The following ARHGEF10 variants were observed in gnomAD, a reference collection of about 807,000 sequenced individuals.
ARHGEF10 encodes Rho guanine nucleotide exchange factor (GEF) 10.
A neutral mutation model predicts 147.4 loss-of-function variants in ARHGEF10; 140 were observed. The ratio of observed to expected loss-of-function variants is 0.95; its 90% CI spans 0.83 to 1.09. The LOEUF (loss-of-function observed/expected upper bound fraction) is 1.09. Among genes scored for constraint, ARHGEF10 ranks in the 50% least tolerant of loss-of-function variants. ARHGEF10 has a pLI of 0.00. For synonymous variants in ARHGEF10, 902 were observed against 695.8 expected, an observed-to-expected ratio of 1.30 and a Z score of -4.67; for missense variants, 2,222 against 1,752.7, an observed-to-expected ratio of 1.27 and a Z score of -4.78.
rs143236249 is a variant in ARHGEF10, at chr8:1,848,967, C to T, written c.37+5531C>T. On this transcript the variant is annotated intron_variant, in intron 2 of 28. Transcript: ENST00000349830. ...TTTATGGCTTTATTAAGATATAATT[C>T]ATATCTTAGTACCGTTTACCTATTT... Among the ~76,000 whole-genome samples, 785 of 152,126 alleles carry T rather than the reference C, an allele frequency of 5.2e-3. 12 individuals are homozygous for T. Among genetic ancestry groups the T allele is most frequent in the African/African-American group, 0.018 (731 of 41,494 alleles).
chr8:1,866,702 A>C, intron 6 of ARHGEF10, 100 bp downstream of exon 6: 1 of 1,093,382 alleles, frequency 9.1e-7, no homozygotes, highest in Non-Finnish European at 1.4e-6. Flanking sequence ...ATCAGATCTA[A>C]AACTCTAAAA....
At chr8:1,884,374 C>G (rs1172004756) in intron 10 of ARHGEF10, among the ~76,000 whole-genome samples, 1 of 146,542 alleles carries the variant, frequency 6.8e-6, no homozygotes, top group Non-Finnish European at 1.5e-5. Context: ...CCAGCCTGGG[C>G]GACAGAGCAA....
At chr8:1,873,171 C>G (rs574176322) in intron 7 of ARHGEF10, among the ~76,000 whole-genome samples, 5 of 152,268 alleles carry the variant, frequency 3.3e-5, no homozygotes, top group East Asian at 1.9e-4. Flanking sequence ...GAGCCAGTTT[C>G]CGAAAGAAAC....
Position 1,903,312 on chromosome 8 carries a change from C to G in ARHGEF10, c.1682C>G (p.Pro561Arg), listed in dbSNP as rs775233789. ...DMLKNTSKGH[P>R]DRLPLQMALT... ...CTGAAGAACACCTCCAAAGGCCACCCCGACAGGCTGCCTCTTCAGATGGCC... is the reference window on the plus strand; with the variant it reads ...CTGAAGAACACCTCCAAAGGCCACCGCGACAGGCTGCCTCTTCAGATGGCC... Residue 561 changes from proline to arginine, a missense_variant, in exon 16 of 29, where the codon CCC (proline) becomes CGC (arginine). Pro to Arg is a moderately radical substitution (Grantham distance 103, BLOSUM62 -2). Coordinates refer to ENST00000349830, the MANE Select transcript of ARHGEF10 (RefSeq NM_014629.4). 5 of 1,613,998 alleles carry G rather than the reference C, an allele frequency of 3.1e-6. No individual in the cohort carries two copies. Among genetic ancestry groups the G allele is most frequent in the Non-Finnish European group, 4.2e-6 (5 of 1,180,048 alleles).
In ARHGEF10 at chr8:1,928,528, G is replaced by A; in HGVS notation, c.2799G>A (p.Leu933=). The A allele has an allele frequency of 1.2e-6, 2 of 1,614,210 alleles. No individual in the cohort carries two copies. Among genetic ancestry groups the A allele is most frequent in the South Asian group, 1.1e-5 (1 of 91,086 alleles). The part of the protein sequence containing the change: ...IECFNVESRI[L]CMLYVPVEEK... Reference sequence around the variant, plus strand: ...GCTTCAACGTGGAATCTCGCATCCTGTGCATGCTGTACGTTCCCGTCGAGG... The same window carrying A: ...GCTTCAACGTGGAATCTCGCATCCTATGCATGCTGTACGTTCCCGTCGAGG... Residue 933 remains leucine, a synonymous_variant, in exon 24 of 29, where the codon CTG becomes CTA. Transcript: ENST00000349830.
chr8:1,894,317 T>C, intron 12 of ARHGEF10, 76 bp from the exon 13 acceptor site: 1 of 1,527,298 alleles, frequency 6.5e-7, no homozygotes, highest in Non-Finnish European at 9.0e-7. Context: ...ACCACTGCGC[T>C]GCACCCTGGA....
intron 11 of ARHGEF10, among the ~76,000 whole-genome samples, chr8:1,886,543 C>T (rs780333312): frequency 1.3e-5 from 2 of 152,208 alleles, no homozygotes; most frequent in Non-Finnish European, 2.9e-5. Context: ...AAATAGGAAG[C>T]TTACATTTCA....
chr8:1,841,393 G>A lies in ARHGEF10; in HGVS notation c.-47-1960G>A, dbSNP rs181561698. Among the ~76,000 whole-genome samples, 798 of 152,320 alleles carry A rather than the reference G, an allele frequency of 5.2e-3. 11 individuals carry two copies. The highest frequency in any genetic ancestry group is 0.018 in the African/African-American group (742 of 41,578). ...GGGCGATTTTGGAAAGCAGAAAGGG[G>A]GTCAGAGAGGCGGATGGAAAGCTGT... On this transcript the variant is annotated intron_variant, in intron 1 of 28. Coordinates refer to ENST00000349830, the MANE Select transcript of ARHGEF10 (RefSeq NM_014629.4).
At position 1,885,627 on chromosome 8, in the gene ARHGEF10, C is replaced by G; in HGVS notation, c.1102C>G (p.Gln368Glu). 2 of 1,613,452 alleles carry G rather than the reference C, an allele frequency of 1.2e-6. No homozygotes were observed. The highest frequency in any genetic ancestry group is 8.5e-7 in the Non-Finnish European group (1 of 1,179,778). Residue 368 changes from glutamine to glutamate, a missense_variant, in exon 11 of 29, where the codon CAG becomes GAG. By Grantham distance (29) the Gln-to-Glu change is conservative. Transcript: ENST00000349830. ...QDHRSSLEEE[Q>E]NLFIDVDCKH... ...TCACAGATCTTCTCTTGAGGAAGAA[C>G]AGAATTTGTTCATTGATGTTGACTG... is the stretch of plus-strand genomic sequence containing the variant.
At chr8:1,919,242 G>A (rs954925553) in intron 18 of ARHGEF10, among the ~76,000 whole-genome samples, 5 of 145,236 alleles carry the variant, frequency 3.4e-5, no homozygotes, top group Admixed American at 1.4e-4. Flanking sequence ...CTGTTCTGTC[G>A]AGTGATGGAG....
intron 1 of ARHGEF10, among the ~76,000 whole-genome samples, chr8:1,839,024 CT>C (rs1225536028): frequency 9.2e-5 from 14 of 151,792 alleles, no homozygotes; most frequent in Non-Finnish European, 1.6e-4. Context: ...GATGTGGGGA[CT>C]GTCCAGCGTG....
At chr8:1,828,770 C>T (rs927951115) in intron 1 of ARHGEF10, among the ~76,000 whole-genome samples, 2 of 151,280 alleles carry the variant, frequency 1.3e-5, no homozygotes, top group African/African-American at 2.4e-5. Context: ...GTGGCATGCA[C>T]ACTTACTGTT....
intron 17 of ARHGEF10, among the ~76,000 whole-genome samples, chr8:1,908,716 CAT>C (rs113299166): frequency 0.058 from 8,857 of 152,140 alleles, 943 homozygotes; most frequent in African/African-American, 0.2. Context: ...CTAGACTGTA[CAT>C]ATGTGTTTTG....
intron 5 of ARHGEF10, among the ~76,000 whole-genome samples, chr8:1,865,954 C>G (rs894657357): frequency 5.3e-5 from 8 of 152,218 alleles, no homozygotes; most frequent in Admixed American, 3.3e-4. Context: ...TGCAGTGAGT[C>G]TGACCTCATC....
chr8:1,903,751 T>C (rs1448219807), intron 16 of ARHGEF10: 11 of 455,186 alleles, frequency 2.4e-5, no homozygotes, highest in South Asian at 6.8e-5. Flanking sequence ...AGCTTACTTT[T>C]CCTTTCAAAA....
chr8:1,888,228 GAC>G, intron 11 of ARHGEF10, among the ~76,000 whole-genome samples: 1 of 74,144 alleles, frequency 1.3e-5, no homozygotes, highest in Non-Finnish European at 2.7e-5. Context: ...GTTGCGAGGA[GAC>G]AGTGAGTGTG....
intron 1 of ARHGEF10, among the ~76,000 whole-genome samples, chr8:1,832,236 G>A (rs777982066): frequency 2.2e-5 from 1 of 45,532 alleles, no homozygotes; most frequent in East Asian, 3.5e-4. Context: ...GAGGAGTTGC[G>A]GTGGGCGGGG....
intron 17 of ARHGEF10, among the ~76,000 whole-genome samples, chr8:1,908,587 T>C (rs2129182563): frequency 6.6e-6 from 1 of 152,258 alleles, no homozygotes; most frequent in Admixed American, 6.5e-5. Context: ...TGATGATCAC[T>C]AAGTGAGAAT....
At chr8:1,860,651 G>T (rs986485525) in intron 4 of ARHGEF10, among the ~76,000 whole-genome samples, 1 of 152,208 alleles carries the variant, frequency 6.6e-6, no homozygotes. Flanking sequence ...TTGAAACAAC[G>T]TCTGGTGCCG....
Sources: allele counts gnomAD v4.1 joint callset (sites outside exome capture counted in the v4.1 genomes callset), GRCh38; gene constraint gnomAD v4.1.1; transcripts MANE v1.5; gene names NCBI Gene and HGNC (gene_info 2026-07-23, HGNC 2026-07-21).